SPOCK3: variants seen among roughly 807,000 people sequenced by gnomAD.
SPOCK3 encodes testican-3.
In SPOCK3, 30 loss-of-function variants were observed where a neutral mutation model predicts 56.6. The ratio of observed to expected loss-of-function variants is 0.53; its 90% confidence interval spans 0.40 to 0.72. The LOEUF is 0.72. SPOCK3 is among the 30% of genes least tolerant of loss of function. The probability of loss-of-function intolerance (pLI) is 0.00; values close to 1 mark genes in which losing one functional copy is unlikely to be tolerated. For missense variants in SPOCK3, 527 were observed against 530.0 expected (o/e 0.99, Z 0.06); for synonymous variants, 196 against 183.3 (o/e 1.07, Z -0.56).
intron 2 of SPOCK3, among the ~76,000 whole-genome samples, chr4:167,068,130 C>T (rs1756343119): frequency 6.6e-6 from 1 of 151,364 alleles, no homozygotes; most frequent in Non-Finnish European, 1.5e-5. Context: ...TGAATTTGTC[C>T]TGGAACAAAT....
chr4:167,189,825 C>T (rs1227088476), intron 2 of SPOCK3, among the ~76,000 whole-genome samples: 2 of 145,650 alleles, frequency 1.4e-5, no homozygotes, highest in African/African-American at 5.2e-5. Flanking sequence ...CTACTCTCTG[C>T]TTTTACGAGT....
chr4:166,915,616 G>A (rs1737760248), intron 4 of SPOCK3, among the ~76,000 whole-genome samples: 1 of 152,056 alleles, frequency 6.6e-6, no homozygotes, highest in East Asian at 1.9e-4. Flanking sequence ...AGAGAGAAAT[G>A]AAGTCACATA....
At chr4:167,226,077 C>T (rs1296096726) in intron 2 of SPOCK3, among the ~76,000 whole-genome samples, 2 of 152,094 alleles carry the variant, frequency 1.3e-5, no homozygotes, top group Non-Finnish European at 2.9e-5. Context: ...CCACCAATCA[C>T]CATTAATGCC....
At chr4:167,188,005 A>G (rs1732157542) in intron 2 of SPOCK3, among the ~76,000 whole-genome samples, 1 of 147,892 alleles carries the variant, frequency 6.8e-6, no homozygotes, top group Admixed American at 6.9e-5. Flanking sequence ...TGATAGGAAT[A>G]CTGAGAAATC....
At chr4:166,795,360 G>A (rs1186582912) in intron 6 of SPOCK3, among the ~76,000 whole-genome samples, 1 of 152,044 alleles carries the variant, frequency 6.6e-6, no homozygotes, top group African/African-American at 2.4e-5. Context: ...ATTCAGAAAG[G>A]TTCATGTGTA....
At chr4:167,117,585 G>C (rs1483219942) in intron 2 of SPOCK3, among the ~76,000 whole-genome samples, 2 of 152,138 alleles carry the variant, frequency 1.3e-5, no homozygotes, top group Non-Finnish European at 2.9e-5. Context: ...ATGCCGGATT[G>C]TGGACAGAAC....
chr4:166,939,655 A>G (rs1490632251), intron 4 of SPOCK3, among the ~76,000 whole-genome samples: 4 of 152,208 alleles, frequency 2.6e-5, no homozygotes, highest in Non-Finnish European at 4.4e-5. Flanking sequence ...TAGCACATAT[A>G]ATACATAGTA....
chr4:167,098,306 C>T (rs906168904), intron 2 of SPOCK3, among the ~76,000 whole-genome samples: 3 of 152,016 alleles, frequency 2.0e-5, no homozygotes, highest in African/African-American at 7.2e-5. Context: ...AAAGTGGGTT[C>T]TTCCTGCTAA....
At chr4:167,083,131 C>G in intron 2 of SPOCK3, 1 of 761,496 alleles carries the variant, frequency 1.3e-6, no homozygotes, top group South Asian at 1.3e-5. Context: ...TAACTAATTA[C>G]AGCTTTATGG....
intron 6 of SPOCK3, among the ~76,000 whole-genome samples, chr4:166,864,078 C>T (rs371332547): frequency 2.5e-4 from 37 of 149,742 alleles, no homozygotes; most frequent in Admixed American, 2.3e-3. Context: ...AAATTGTAAC[C>T]GTCTCTCAGA....
chr4:166,841,619 T>C (rs1747346735), intron 6 of SPOCK3, among the ~76,000 whole-genome samples: 1 of 151,878 alleles, frequency 6.6e-6, no homozygotes, highest in South Asian at 2.1e-4. Context: ...TTTGCTTTCA[T>C]TTCTTACTAT....
chr4:166,854,683 G>T (rs1222862188), intron 6 of SPOCK3, among the ~76,000 whole-genome samples: 1 of 152,118 alleles, frequency 6.6e-6, no homozygotes, highest in Non-Finnish European at 1.5e-5. Context: ...ATTTTTGGAG[G>T]TGGAGAGAGG....
chr4:166,840,086 C>G (rs909296129), intron 6 of SPOCK3, among the ~76,000 whole-genome samples: 1 of 152,198 alleles, frequency 6.6e-6, no homozygotes, highest in Non-Finnish European at 1.5e-5. Flanking sequence ...AAGGGTCTAT[C>G]CCAATGCAGA....
chr4:167,223,844 G>A (rs1405628225), intron 2 of SPOCK3, among the ~76,000 whole-genome samples: 2 of 152,028 alleles, frequency 1.3e-5, no homozygotes, highest in East Asian at 3.9e-4. Context: ...CTGTATTAAA[G>A]TGCTTGTTAT....
intron 4 of SPOCK3, among the ~76,000 whole-genome samples, chr4:166,965,737 GA>G (rs1744665729): frequency 6.6e-6 from 1 of 152,004 alleles, no homozygotes; most frequent in Admixed American, 6.6e-5. Flanking sequence ...AGCAGGTACA[GA>G]GATTTCTCAT....
intron 2 of SPOCK3, among the ~76,000 whole-genome samples, chr4:167,201,849 G>C (rs1044241016): frequency 2.0e-5 from 3 of 151,790 alleles, no homozygotes; most frequent in African/African-American, 7.3e-5. Flanking sequence ...TATACCTGCA[G>C]ACCTTTCTAG....
At chr4:167,160,701 C>A (rs1176370610) in intron 2 of SPOCK3, among the ~76,000 whole-genome samples, 2 of 152,024 alleles carry the variant, frequency 1.3e-5, no homozygotes, top group Non-Finnish European at 2.9e-5. Context: ...AGATATAGAC[C>A]AATGGAACAG....
At position 167,198,403 on chromosome 4, in the gene SPOCK3, C is replaced by A. The variant is rs147344102; in HGVS notation, c.189+35582G>T. 6.7e-3 allele frequency among the ~76,000 whole-genome samples: 1,021 copies of A among 152,134 alleles called. 15 individuals carry two copies. The highest frequency in any genetic ancestry group is 0.022 in the African/African-American group (916 of 41,510). ...GCTTTCTGGAGGAAAATAGTGAACT[C>A]CCACCTTGTTGAAGTTATAGCTTCT... is the stretch of plus-strand genomic sequence containing the variant. On this transcript the variant is annotated intron_variant, in intron 2 of 10. Coordinates refer to ENST00000357545, the MANE Select transcript of SPOCK3 (RefSeq NM_001040159.2).
chr4:166,815,121 G>A (rs1005516100), intron 6 of SPOCK3, among the ~76,000 whole-genome samples: 1 of 152,008 alleles, frequency 6.6e-6, no homozygotes, highest in South Asian at 2.1e-4. Flanking sequence ...CTGTTAGAAT[G>A]AGTATGGAAA....
Sources: allele counts gnomAD v4.1 joint callset (sites outside exome capture counted in the v4.1 genomes callset), GRCh38; gene constraint gnomAD v4.1.1; transcripts MANE v1.5; gene names NCBI Gene and HGNC (gene_info 2026-07-23, HGNC 2026-07-21).